The following FGF14 variants were observed in gnomAD, a reference collection of about 807,000 sequenced individuals.
The protein encoded by FGF14 is fibroblast growth factor 14.
FGF14 carries 5 observed loss-of-function variants against 25.5 expected under a neutral mutation model. The ratio of observed to expected loss-of-function variants is 0.20; its 90% CI spans 0.10 to 0.41. The LOEUF (loss-of-function observed/expected upper bound fraction) is 0.41. Among genes scored for constraint, FGF14 ranks in the 10% least tolerant of loss-of-function variants. FGF14 has a pLI of 1.00. For missense variants in FGF14, 222 were observed against 320.1 expected, an observed-to-expected ratio of 0.69 and a Z score of 2.34; for synonymous variants, 138 against 118.3, an observed-to-expected ratio of 1.17 and a Z score of -1.08.
chr13:102,301,340 T>A (rs1357567800), intron 1 of FGF14, among the ~76,000 whole-genome samples: 2 of 152,142 alleles, frequency 1.3e-5, no homozygotes, highest in African/African-American at 2.4e-5. Flanking sequence ...AAATTTCACA[T>A]AATGTAGCTG....
At chr13:102,327,480 C>T (rs1364866514) in intron 1 of FGF14, among the ~76,000 whole-genome samples, 2 of 152,166 alleles carry the variant, frequency 1.3e-5, no homozygotes, top group African/African-American at 4.8e-5. Flanking sequence ...ATAGATTTGG[C>T]CAAATCACTT....
At chr13:101,730,167 G>A in intron 3 of FGF14, among the ~76,000 whole-genome samples, 1 of 152,124 alleles carries the variant, frequency 6.6e-6, no homozygotes, top group Admixed American at 6.6e-5. Context: ...ATAATAATAG[G>A]GCCTGATTCG....
rs1182148796 is a variant in FGF14 at position 101,719,057 on chromosome 13, A to ATTAT, written c.*3770_*3773dup. 1.3e-5 allele frequency: 2 copies of ATTAT among 152,092 alleles called. No homozygotes were observed. Among genetic ancestry groups the ATTAT allele is most frequent in the African/African-American group, 4.8e-5 (2 of 41,432 alleles). 9.4% of individuals were successfully genotyped at this position (152,092 alleles called of 1,614,324 possible). ...GAATTAAAATGGAAAAAATATTTCA[A>ATTAT]TTATTTTCATCTTGTTCTCAACTGG... On this transcript the variant is annotated 3_prime_UTR_variant, in exon 5 of 5. Coordinates refer to ENST00000376143, the MANE Select transcript of FGF14 (RefSeq NM_004115.4).
chr13:102,392,940 C>T (rs760530245), intron 1 of FGF14, among the ~76,000 whole-genome samples: 1 of 152,168 alleles, frequency 6.6e-6, no homozygotes, highest in Non-Finnish European at 1.5e-5. Flanking sequence ...AGAGAGCTCA[C>T]GATCTGTGCC....
chr13:102,074,905 T>C (rs1332281521), intron 1 of FGF14, among the ~76,000 whole-genome samples: 2 of 152,152 alleles, frequency 1.3e-5, no homozygotes, highest in South Asian at 2.1e-4. Flanking sequence ...CTTAATAAAT[T>C]AGATATAGAG....
intron 1 of FGF14, among the ~76,000 whole-genome samples, chr13:101,937,245 G>T (rs2035162042): frequency 6.6e-6 from 1 of 152,190 alleles, no homozygotes; most frequent in Non-Finnish European, 1.5e-5. Flanking sequence ...TACTGACATG[G>T]AAGCTAATTG....
At position 102,189,012 on chromosome 13, in the gene FGF14, AAGAAT is replaced by A. The variant is rs1566797040; in HGVS notation, c.208+212454_208+212458del. 8.5e-3 allele frequency among the ~76,000 whole-genome samples: 667 copies of A among 78,192 alleles called. 3 individuals are homozygous for A. The highest frequency in any genetic ancestry group is 0.015 in the South Asian group (39 of 2,524). The allele number at this position is 78,192 out of a possible 152,430, so 51.3% of individuals were successfully genotyped here. On this transcript the variant is annotated intron_variant, in intron 1 of 4. Transcript: ENST00000376131. ...AGAAAGAAAGAAAGAAAGAAAGAGA[AAGAAT>A]GAAAGAAGAAAAGAAAGAAAGAAAG...
chr13:102,134,017 C>G (rs992830051), intron 1 of FGF14, among the ~76,000 whole-genome samples: 16 of 152,268 alleles, frequency 1.1e-4, no homozygotes, highest in African/African-American at 3.8e-4. Context: ...TTCATTTTGT[C>G]ATCTTTATTT....
upstream of FGF14, among the ~76,000 whole-genome samples, chr13:102,401,936 A>C (rs541702085): frequency 7.9e-5 from 12 of 152,260 alleles, no homozygotes; most frequent in African/African-American, 2.6e-4. Context: ...CCCAAAGAGA[A>C]AACCATAGCC....
intron 1 of FGF14, among the ~76,000 whole-genome samples, chr13:102,345,542 A>G (rs1251766355): frequency 6.6e-6 from 1 of 152,216 alleles, no homozygotes; most frequent in Non-Finnish European, 1.5e-5. Context: ...TTCTAAAGTA[A>G]AAAGCTGGAG....
intron 1 of FGF14, among the ~76,000 whole-genome samples, chr13:102,224,593 A>G (rs2050753938): frequency 6.6e-6 from 1 of 152,156 alleles, no homozygotes; most frequent in African/African-American, 2.4e-5. Context: ...TTTAAAAAGA[A>G]CCAAGGATTG....
intron 1 of FGF14, among the ~76,000 whole-genome samples, chr13:102,274,372 T>C (rs1002706642): frequency 1.3e-5 from 2 of 152,164 alleles, no homozygotes; most frequent in African/African-American, 2.4e-5. Context: ...TGTGGCAACA[T>C]TGTACAAACT....
chr13:102,017,423 T>G (rs542799427), intron 1 of FGF14, among the ~76,000 whole-genome samples: 2 of 152,314 alleles, frequency 1.3e-5, no homozygotes, highest in South Asian at 4.1e-4. Flanking sequence ...CTGCAGAACT[T>G]TAAAGATATT....
chr13:101,761,467 C>T (rs546712042), intron 3 of FGF14, among the ~76,000 whole-genome samples: 5 of 152,164 alleles, frequency 3.3e-5, no homozygotes, highest in African/African-American at 7.2e-5. Flanking sequence ...TTGGACCCCA[C>T]GTGACTGTGG....
At chr13:101,730,438 AG>A (rs2035731967) in intron 3 of FGF14, among the ~76,000 whole-genome samples, 1 of 152,222 alleles carries the variant, frequency 6.6e-6, no homozygotes, top group African/African-American at 2.4e-5. Context: ...GGACAAAAAG[AG>A]AAAGACTATA....
chr13:101,903,795 T>A (rs561905313), intron 1 of FGF14, among the ~76,000 whole-genome samples: 2 of 152,200 alleles, frequency 1.3e-5, no homozygotes, highest in African/African-American at 4.8e-5. Flanking sequence ...AGACAGGCAC[T>A]GAACATAGAC....
At chr13:102,320,045 T>C (rs1240624363) in intron 1 of FGF14, among the ~76,000 whole-genome samples, 1 of 152,052 alleles carries the variant, frequency 6.6e-6, no homozygotes, top group African/African-American at 2.4e-5. Context: ...CTATATAGTT[T>C]CCATTTTCAA....
At chr13:102,062,454 G>A (rs1183716802) in intron 1 of FGF14, among the ~76,000 whole-genome samples, 1 of 152,068 alleles carries the variant, frequency 6.6e-6, no homozygotes, top group Admixed American at 6.6e-5. Context: ...CAGTTACTAA[G>A]TTGATCTGAA....
intron 1 of FGF14, among the ~76,000 whole-genome samples, chr13:102,123,342 T>C (rs2140373012): frequency 6.6e-6 from 1 of 152,258 alleles, no homozygotes; most frequent in Non-Finnish European, 1.5e-5. Flanking sequence ...GAATGCAAGG[T>C]TAATCAATAA....
Sources: gnomAD v4.1 joint callset for allele counts (sites outside exome capture counted in the v4.1 genomes callset) on GRCh38, gnomAD v4.1.1 for gene constraint, MANE v1.5 for transcripts, NCBI Gene and HGNC (gene_info 2026-07-23, HGNC 2026-07-21) for gene names.